FERMT2: variants seen among roughly 807,000 people sequenced by gnomAD.
FERMT2 encodes the protein FERM domain containing kindlin 2.
Under a neutral mutation model 82.7 loss-of-function variants are expected in FERMT2, and 15 were observed. That is an observed-to-expected ratio of 0.18 (90% CI 0.12 to 0.28). The LOEUF (loss-of-function observed/expected upper bound fraction) is 0.28. Among genes scored for constraint, FERMT2 ranks in the 10% least tolerant of loss-of-function variants. The pLI is 1.00. For synonymous variants in FERMT2, 274 were observed against 271.5 expected, an observed-to-expected ratio of 1.01 and a Z score of -0.09; for missense variants, 645 against 809.4, an observed-to-expected ratio of 0.80 and a Z score of 2.46.
intron 4 of FERMT2, among the ~76,000 whole-genome samples, chr14:52,883,075 T>TTC (rs1352579704): frequency 2.6e-5 from 4 of 151,990 alleles, no homozygotes; most frequent in Admixed American, 2.0e-4. Context: ...GTGCACGCTA[T>TTC]TCGGGAGGCG....
chr14:52,859,721 C>A lies in FERMT2; in HGVS notation c.1728-7G>T. ...TTTTTTGCCCCCTTGGAACCTATAA[C>A]ATTTAAGAAAAGAACGGTTAAAAAC... is the stretch of plus-strand genomic sequence containing the variant. On this transcript the variant is annotated splice_region_variant and splice_polypyrimidine_tract_variant and intron_variant, in intron 13 of 14. Coordinates refer to ENST00000341590, the MANE Select transcript of FERMT2 (RefSeq NM_006832.3). 1.3e-6 allele frequency: 2 copies of A among 1,552,026 alleles called. No individual in the cohort carries two copies. Among genetic ancestry groups the A allele is most frequent in the Non-Finnish European group, 8.7e-7 (1 of 1,145,644 alleles).
At chr14:52,917,024 T>C (rs112974618) in intron 3 of FERMT2, among the ~76,000 whole-genome samples, 1 of 151,254 alleles carries the variant, frequency 6.6e-6, no homozygotes, top group African/African-American at 2.4e-5. Context: ...CAAGTGTTAG[T>C]GAGGATTTGT....
rs1887117369 is a variant in FERMT2 at position 52,894,106 on chromosome 14, CG to C, written c.392-680del. Among the ~76,000 whole-genome samples, 6 of 152,276 alleles carry C rather than the reference CG, an allele frequency of 3.9e-5. No homozygotes were observed. In the South Asian group the frequency reaches 1.2e-3, roughly 32 times the overall value. ...GCCTCTCAAGTGCTGGGATTACCGG[CG>C]TGAGCCACCGTGCCCGGCCCCAAAT... On this transcript the variant is annotated intron_variant, in intron 3 of 14. Transcript: ENST00000341590.
chr14:52,873,904 T>G (rs1885790345), intron 9 of FERMT2, among the ~76,000 whole-genome samples: 7 of 152,006 alleles, frequency 4.6e-5, no homozygotes, highest in Admixed American at 4.6e-4. Context: ...GCCACTGTAT[T>G]ACTATGTTTC....
rs765126347 is a variant in FERMT2 at position 52,878,638 on chromosome 14, G to C, written c.907C>G (p.Leu303Val). 1.2e-6 allele frequency: 2 copies of C among 1,610,114 alleles called. No individual in the cohort carries two copies. The highest frequency in any genetic ancestry group is 1.7e-4 in the Middle Eastern group (1 of 6,042). The change falls in exon 7 of 15, where the codon CTC becomes GTC. Residue 303 changes from leucine to valine, a missense_variant. Leu to Val is a conservative substitution (Grantham distance 32). Coordinates refer to ENST00000341590, the MANE Select transcript of FERMT2 (RefSeq NM_006832.3). ...TCTGTGCATTCAATCTCTTCCAGGA[G>C]AATGGCCCATTTGGCCTGCTCGTAA... ...QLYEQAKWAI[L>V]LEEIECTEEE...
At chr14:52,933,870 TG>T (rs1192382612) in intron 2 of FERMT2, among the ~76,000 whole-genome samples, 2 of 152,148 alleles carry the variant, frequency 1.3e-5, no homozygotes, top group African/African-American at 4.8e-5. Flanking sequence ...ATGCAGCTTT[TG>T]TTCTGGCCTA....
At chr14:52,936,563 C>G (rs1889846476) in intron 2 of FERMT2, among the ~76,000 whole-genome samples, 1 of 152,162 alleles carries the variant, frequency 6.6e-6, no homozygotes, top group Non-Finnish European at 1.5e-5. Context: ...CCTAGGATTG[C>G]TCCCCCATCA....
chr14:52,859,914 T>A (rs1378567391), intron 13 of FERMT2, 200 bp from the exon 14 acceptor site: 1 of 331,148 alleles, frequency 3.0e-6, no homozygotes, highest in Non-Finnish European at 5.4e-6. Context: ...GCCTCCTGGG[T>A]TCACGCCATT....
intron 3 of FERMT2, among the ~76,000 whole-genome samples, chr14:52,917,009 A>G (rs926740907): frequency 6.6e-6 from 1 of 152,228 alleles, no homozygotes; most frequent in Non-Finnish European, 1.5e-5. Context: ...AAAACAGACC[A>G]TAATCAAGTG....
chr14:52,886,475 T>C (rs1282267872), intron 4 of FERMT2, among the ~76,000 whole-genome samples: 1 of 152,040 alleles, frequency 6.6e-6, no homozygotes, highest in Non-Finnish European at 1.5e-5. Flanking sequence ...GGACTACAGG[T>C]GTACACCACA....
chr14:52,919,957 A>G (rs543893333), intron 2 of FERMT2, among the ~76,000 whole-genome samples: 1 of 152,320 alleles, frequency 6.6e-6, no homozygotes, highest in East Asian at 1.9e-4. Context: ...TGCTCTCCCA[A>G]ATAGATCCCC....
At chr14:52,923,541 T>C (rs932891624) in intron 2 of FERMT2, among the ~76,000 whole-genome samples, 1 of 151,944 alleles carries the variant, frequency 6.6e-6, no homozygotes, top group Non-Finnish European at 1.5e-5. Context: ...CAGAAACATA[T>C]ATCTCCCCTG....
chr14:52,910,126 A>T lies in FERMT2; in HGVS notation c.391+8997T>A, dbSNP rs1486386155. ...TTGTTACCACTAAAAGCTTTTGTACAGAGTCCTTATGTACAGCTTAATTTA... is the reference window on the plus strand; with the variant it reads ...TTGTTACCACTAAAAGCTTTTGTACTGAGTCCTTATGTACAGCTTAATTTA... On this transcript the variant is annotated intron_variant, in intron 3 of 14. Coordinates refer to ENST00000341590, the MANE Select transcript of FERMT2 (RefSeq NM_006832.3). Among the ~76,000 whole-genome samples, 23 of 152,348 alleles carry T rather than the reference A, an allele frequency of 1.5e-4. No individual in the cohort carries two copies. In the South Asian group the frequency reaches 4.3e-3, roughly 29 times the overall value.
At chr14:52,923,136 G>A (rs915651728) in intron 2 of FERMT2, among the ~76,000 whole-genome samples, 2 of 151,888 alleles carry the variant, frequency 1.3e-5, no homozygotes, top group African/African-American at 4.8e-5. Context: ...GACCACGGTT[G>A]TATAGTCTGC....
intron 3 of FERMT2, among the ~76,000 whole-genome samples, chr14:52,903,479 A>T (rs1389095238): frequency 6.6e-6 from 1 of 152,024 alleles, no homozygotes; most frequent in Non-Finnish European, 1.5e-5. Flanking sequence ...TAGAGATTAG[A>T]GTGAGCTGTG....
chr14:52,874,792 A>G (rs940616161), intron 8 of FERMT2, among the ~76,000 whole-genome samples: 3 of 152,230 alleles, frequency 2.0e-5, no homozygotes, highest in Non-Finnish European at 2.9e-5. Flanking sequence ...AGACTAATAC[A>G]TTATTACTTT....
chr14:52,948,362 CTATT>C (rs1270847513), intron 2 of FERMT2, among the ~76,000 whole-genome samples: 2 of 152,242 alleles, frequency 1.3e-5, no homozygotes, highest in Non-Finnish European at 2.9e-5. Context: ...AATCTCTCCT[CTATT>C]TACTTGCTGA....
At chr14:52,896,379 G>C (rs1337549204) in intron 3 of FERMT2, among the ~76,000 whole-genome samples, 1 of 152,144 alleles carries the variant, frequency 6.6e-6, no homozygotes, top group Non-Finnish European at 1.5e-5. Context: ...ACATCCACTA[G>C]ATTCAACCCA....
At chr14:52,913,949 G>C (rs1337377467) in intron 3 of FERMT2, among the ~76,000 whole-genome samples, 1 of 152,114 alleles carries the variant, frequency 6.6e-6, no homozygotes, top group African/African-American at 2.4e-5. Context: ...GTCTCAGAGA[G>C]TGACAAGAAC....
Sources: allele counts gnomAD v4.1 joint callset (sites outside exome capture counted in the v4.1 genomes callset), GRCh38; gene constraint gnomAD v4.1.1; transcripts MANE v1.5; gene names NCBI Gene and HGNC (gene_info 2026-07-23, HGNC 2026-07-21).